Variants in CSMD3 observed in about 807,000 individuals in gnomAD.
The protein encoded by CSMD3 is CUB and Sushi multiple domains 3.
CSMD3 carries 177 observed loss-of-function variants against 435.2 expected under a neutral mutation model. The ratio of observed to expected loss-of-function variants is 0.41; its 90% CI spans 0.36 to 0.46. The LOEUF (loss-of-function observed/expected upper bound fraction) is 0.46, where lower values mean the gene tolerates loss of function less well. Ranked by LOEUF, CSMD3 falls within the 20% of genes least tolerant of loss-of-function variation. The probability of loss-of-function intolerance (pLI) is 0.34; values close to 1 mark genes in which losing one functional copy is unlikely to be tolerated. For synonymous variants in CSMD3, 1,656 were observed against 1,520.5 expected (o/e 1.09, Z -2.07); for missense variants, 4,265 against 4,504.6 (o/e 0.95, Z 1.52).
chr8:112,837,084 A>T (rs2080047370), intron 11 of CSMD3, among the ~76,000 whole-genome samples: 1 of 151,810 alleles, frequency 6.6e-6, no homozygotes, highest in Non-Finnish European at 1.5e-5. Flanking sequence ...CATATGCCTC[A>T]TGTATTAAAT....
In CSMD3 at chr8:112,379,786, C is replaced by G. The variant is rs1829302171; in HGVS notation, c.6136+566G>C. Among the ~76,000 whole-genome samples, 3 of 152,050 alleles carry G rather than the reference C, an allele frequency of 2.0e-5. No homozygotes were observed. The South Asian group carries it at 6.2e-4, about 31-fold the overall frequency. ...TTATATATTACAAAGATACGGTTAC[C>G]AAAACAGTGTAGTACCGGATAAAAA... On this transcript the variant is annotated intron_variant, in intron 38 of 70. Transcript: ENST00000297405.
At chr8:112,858,491 T>C (rs2129843158) in intron 11 of CSMD3, among the ~76,000 whole-genome samples, 1 of 151,812 alleles carries the variant, frequency 6.6e-6, no homozygotes, top group South Asian at 2.1e-4. Flanking sequence ...TCTCTATTGC[T>C]ATAAAATCAC....
intron 3 of CSMD3, among the ~76,000 whole-genome samples, chr8:113,214,249 T>C (rs2092874242): frequency 6.6e-6 from 1 of 152,036 alleles, no homozygotes; most frequent in Non-Finnish European, 1.5e-5. Context: ...TTTAAATTTT[T>C]ATTTGTGCAG....
At chr8:113,254,135 T>C (rs1375553412) in intron 3 of CSMD3, among the ~76,000 whole-genome samples, 2 of 151,924 alleles carry the variant, frequency 1.3e-5, no homozygotes, top group East Asian at 3.9e-4. Context: ...ATTTTCTCAA[T>C]GTCATGCTGT....
intron 5 of CSMD3, among the ~76,000 whole-genome samples, chr8:113,073,798 G>A (rs947705726): frequency 5.9e-5 from 9 of 151,308 alleles, no homozygotes; most frequent in Non-Finnish European, 1.2e-4. Context: ...GACAGCATTC[G>A]CCTTCGGAAA....
chr8:113,065,252 T>A (rs959709266), intron 5 of CSMD3, among the ~76,000 whole-genome samples: 8 of 152,118 alleles, frequency 5.3e-5, no homozygotes, highest in Non-Finnish European at 1.0e-4. Context: ...AACAAAATAT[T>A]AGTTTAGAGA....
chr8:113,313,108 T>C (rs1323075141), intron 2 of CSMD3: 1 of 152,110 alleles, frequency 6.6e-6, no homozygotes. Context: ...ACACATTTTC[T>C]CGTAATACCT....
chr8:112,654,048 C>G (rs150126857), intron 18 of CSMD3, among the ~76,000 whole-genome samples: 1 of 152,120 alleles, frequency 6.6e-6, no homozygotes, highest in East Asian at 1.9e-4. Context: ...AAAAATATAA[C>G]AGAAACCTGG....
At chr8:113,382,272 A>G (rs2094419361) in intron 1 of CSMD3, among the ~76,000 whole-genome samples, 2 of 152,186 alleles carry the variant, frequency 1.3e-5, no homozygotes, top group Admixed American at 6.5e-5. Context: ...CCTCATTAGC[A>G]TTAGTTGTTA....
chr8:113,120,877 T>G (rs960683746), intron 4 of CSMD3, among the ~76,000 whole-genome samples: 24 of 152,080 alleles, frequency 1.6e-4, no homozygotes, highest in African/African-American at 5.6e-4. Flanking sequence ...TAAATAAAAT[T>G]TTGACTGTAT....
intron 59 of CSMD3, among the ~76,000 whole-genome samples, chr8:112,277,210 T>G (rs1325184901): frequency 6.6e-6 from 1 of 152,220 alleles, no homozygotes; most frequent in Non-Finnish European, 1.5e-5. Flanking sequence ...TAAAACTGAA[T>G]GCTTTTTAAC....
rs761740007 is a variant in CSMD3, at chr8:112,472,701, C to T, written c.5285G>A (p.Cys1762Tyr). 1 of 1,598,372 alleles carries T rather than the reference C, an allele frequency of 6.3e-7. No individual in the cohort carries two copies. The highest frequency in any genetic ancestry group is 1.1e-5 in the South Asian group (1 of 90,774). ...TTCTGAACCTGTTGAACGACTTCCA[C>T]AGGGCGCTAGGAAAAAATGGCAAAA... ...NRALPSCHAPCGSRSTGSEGT... is the reference protein window; with the variant it reads ...NRALPSCHAPYGSRSTGSEGT... The change falls in exon 32 of 71, where the codon TGT (cysteine) becomes TAT (tyrosine). Residue 1762 changes from cysteine (C) to tyrosine (Y), a missense_variant. Physicochemically the swap from Cys to Tyr is radical, Grantham distance 194. Around this residue, in one of 3 missense-constraint regions of CSMD3, gnomAD observed 3,255 missense variants for 3,380.2 expected, o/e 0.96. Coordinates refer to ENST00000297405, the MANE Select transcript of CSMD3 (RefSeq NM_198123.2).
intron 10 of CSMD3, among the ~76,000 whole-genome samples, chr8:112,919,184 G>T (rs1159758428): frequency 1.3e-5 from 2 of 151,672 alleles, no homozygotes; most frequent in South Asian, 2.1e-4. Context: ...TTGAACATGT[G>T]CTTTTTTTAT....
intron 1 of CSMD3, among the ~76,000 whole-genome samples, chr8:113,403,265 C>A (rs1476600718): frequency 6.6e-6 from 1 of 151,280 alleles, no homozygotes; most frequent in East Asian, 1.9e-4. Context: ...AACTGTATTT[C>A]TGAAACTCCT....
intron 23 of CSMD3, among the ~76,000 whole-genome samples, chr8:112,582,786 C>T (rs1830430491): frequency 6.6e-6 from 1 of 151,914 alleles, no homozygotes; most frequent in African/African-American, 2.4e-5. Flanking sequence ...GCTAACTGGT[C>T]ATGAGGGCAG....
rs78509317 is a variant in CSMD3 at position 112,883,147 on chromosome 8, C to T, written c.1634-23881G>A. ...TAAAATGTTCACACATATCTGAACC[C>T]CAGGCCAAGTTTTGCCCGATCTTCC... On this transcript the variant is annotated intron_variant, in intron 10 of 70. Transcript: ENST00000297405. Among the ~76,000 whole-genome samples the T allele has an allele frequency of 3.2e-3, 490 of 151,880 alleles. 13 individuals carry two copies. The East Asian group carries it at 0.054, about 17-fold the overall frequency.
chr8:112,585,016 G>T (rs1347884191), intron 23 of CSMD3, among the ~76,000 whole-genome samples: 1 of 151,446 alleles, frequency 6.6e-6, no homozygotes, highest in Non-Finnish European at 1.5e-5. Flanking sequence ...ATGTCAAAGG[G>T]TATCTTTCAG....
In CSMD3 at chr8:112,224,469, G is replaced by A. The variant is rs1402167787; in HGVS notation, c.*302C>T. The A allele has an allele frequency of 1.5e-5, 6 of 394,002 alleles. No individual in the cohort carries two copies. Among genetic ancestry groups the A allele is most frequent in the Non-Finnish European group, 2.9e-5 (6 of 207,728 alleles). 24.4% of individuals were successfully genotyped at this position (394,002 alleles called of 1,614,324 possible). A position where few individuals can be genotyped will look rare whatever the true frequency, so the allele number is the denominator to read the frequency against. Reference sequence around the variant, plus strand: ...TTTATAAAGCACAGAAATACTGATAGTGGATGCTCCTCCAATATATGCAAA... The same window carrying A: ...TTTATAAAGCACAGAAATACTGATAATGGATGCTCCTCCAATATATGCAAA... On this transcript the variant is annotated 3_prime_UTR_variant, in exon 71 of 71. Transcript: ENST00000297405.
intron 21 of CSMD3, among the ~76,000 whole-genome samples, chr8:112,637,333 G>A (rs1042617035): frequency 2.0e-5 from 3 of 151,662 alleles, no homozygotes; most frequent in Admixed American, 1.3e-4. Flanking sequence ...TTCGACTTAC[G>A]GCATAAGAAC....
Sources: allele counts gnomAD v4.1 joint callset (sites outside exome capture counted in the v4.1 genomes callset), GRCh38; gene constraint gnomAD v4.1.1; regional missense constraint gnomAD v4.1.1; transcripts MANE v1.5; gene names NCBI Gene and HGNC (gene_info 2026-07-23, HGNC 2026-07-21).